The following PSMD14 variants were observed in gnomAD, a reference collection of about 807,000 sequenced individuals.
The protein encoded by PSMD14 is proteasome 26S subunit, non-ATPase 14, also known as ubiquitin C-terminal hydrolase PSMD14.
Under a neutral mutation model 41.2 loss-of-function variants are expected in PSMD14, and 7 were observed. The observed-to-expected ratio is 0.17, with a 90% CI of 0.10 to 0.32. The LOEUF (loss-of-function observed/expected upper bound fraction) is 0.32. Ranked by LOEUF, PSMD14 falls within the 10% of genes least tolerant of loss-of-function variation. PSMD14 has a pLI of 1.00. For missense variants in PSMD14, 139 were observed against 375.6 expected (o/e 0.37, Z 5.21); for synonymous variants, 114 against 122.3 (o/e 0.93, Z 0.45).
At chr2:161,374,775 A>G (rs560718336) in intron 7 of PSMD14, among the ~76,000 whole-genome samples, 1 of 152,146 alleles carries the variant, frequency 6.6e-6, no homozygotes, top group Admixed American at 6.6e-5. Flanking sequence ...TAATGTGACT[A>G]TACTTCTTTC....
intron 1 of PSMD14, among the ~76,000 whole-genome samples, chr2:161,312,315 T>C (rs920210941): frequency 1.3e-5 from 2 of 152,078 alleles, no homozygotes; most frequent in Non-Finnish European, 2.9e-5. Flanking sequence ...AGCTAATTTT[T>C]GTGTTTTCAG....
At chr2:161,322,798 G>A (rs1055011554) in intron 3 of PSMD14, among the ~76,000 whole-genome samples, 5 of 152,178 alleles carry the variant, frequency 3.3e-5, no homozygotes, top group Admixed American at 6.5e-5. Context: ...CTTGGTCTTA[G>A]TTGTTTTATT....
intron 3 of PSMD14, among the ~76,000 whole-genome samples, chr2:161,322,083 C>G (rs909469359): frequency 6.6e-6 from 1 of 152,126 alleles, no homozygotes; most frequent in African/African-American, 2.4e-5. Flanking sequence ...TGCAAGCTAT[C>G]TAGGGGTGTG....
rs1223451259 is a variant in PSMD14, at chr2:161,369,181, A to T, written c.241-926A>T. 8.5e-5 allele frequency among the ~76,000 whole-genome samples: 13 copies of T among 152,140 alleles called. No individual in the cohort carries two copies. In the East Asian group the frequency reaches 2.5e-3, roughly 29 times the overall value. On this transcript the variant is annotated intron_variant, in intron 5 of 11. Transcript: ENST00000409682. ...TTATAATACATTGTTCTTAGGCTTTAATATCATTACTTCCATGTAAATGCT... is the reference window on the plus strand; with the variant it reads ...TTATAATACATTGTTCTTAGGCTTTTATATCATTACTTCCATGTAAATGCT...
chr2:161,318,845 T>C lies in PSMD14; in HGVS notation c.20T>C (p.Leu7Pro). MDRLLRLGGGMPGLGQG... is the reference protein window; with the variant it reads MDRLLRPGGGMPGLGQG... ...AGAAATATGGACAGACTTCTTAGAC[T>C]TGGAGGAGGTATGCCTGGACTGGGC... Residue 7 changes from leucine to proline, a missense_variant, in exon 3 of 12, where the codon CTT becomes CCT. Physicochemically the swap from Leu to Pro is moderately conservative, Grantham distance 98. This residue lies in a region of PSMD14 where 24 missense variants were observed against 55.3 expected (regional missense o/e 0.43). Transcript: ENST00000409682. 1.2e-6 allele frequency: 2 copies of C among 1,613,112 alleles called. No homozygotes were observed. The highest frequency in any genetic ancestry group is 8.5e-7 in the Non-Finnish European group (1 of 1,179,328).
chr2:161,342,513 A>C (rs1198529913), intron 3 of PSMD14, among the ~76,000 whole-genome samples: 1 of 152,006 alleles, frequency 6.6e-6, no homozygotes, highest in Non-Finnish European at 1.5e-5. Flanking sequence ...ATTAGTGCTA[A>C]TGTGGTATAT....
Position 161,411,418 on chromosome 2 carries a change from T to C in PSMD14, c.*18T>C, listed in dbSNP as rs1020254773. 7.2e-6 allele frequency: 11 copies of C among 1,528,054 alleles called. No homozygotes were observed. The highest frequency in any genetic ancestry group is 9.9e-6 in the Non-Finnish European group (11 of 1,108,616). 94.7% of individuals were successfully genotyped at this position (1,528,054 alleles called of 1,614,324 possible). A position where few individuals can be genotyped will look rare whatever the true frequency, so the allele number is the denominator to read the frequency against. On this transcript the variant is annotated 3_prime_UTR_variant, in exon 12 of 12. Transcript: ENST00000409682. Reference sequence around the variant, plus strand: ...TTAAATAAAGCAACGAAAAACGCTATTAATGATGCCTTCAGTGTATATTCC... The same window carrying C: ...TTAAATAAAGCAACGAAAAACGCTACTAATGATGCCTTCAGTGTATATTCC...
intron 10 of PSMD14, among the ~76,000 whole-genome samples, chr2:161,403,509 G>A (rs1007734686): frequency 2.6e-5 from 4 of 152,118 alleles, no homozygotes; most frequent in African/African-American, 9.7e-5. Flanking sequence ...CTTTAAAATG[G>A]TTAATTTTAT....
intron 3 of PSMD14, among the ~76,000 whole-genome samples, chr2:161,328,126 G>C (rs896560766): frequency 6.6e-5 from 10 of 152,106 alleles, no homozygotes; most frequent in Admixed American, 6.6e-4. Flanking sequence ...ATCTAGTAAA[G>C]TTGAAAATGA....
chr2:161,338,927 C>T (rs1472640992), intron 3 of PSMD14, among the ~76,000 whole-genome samples: 1 of 152,114 alleles, frequency 6.6e-6, no homozygotes, highest in African/African-American at 2.4e-5. Context: ...TTTTGTCTAG[C>T]TTTCATTACT....
chr2:161,367,709 G>A, intron 4 of PSMD14, 75 bp from the exon 5 acceptor site: 2 of 1,526,984 alleles, frequency 1.3e-6, no homozygotes, highest in South Asian at 1.3e-5. Context: ...AACAAAATTT[G>A]GTTTTTGTTT....
At chr2:161,367,985 T>C in intron 5 of PSMD14, 82 bp downstream of exon 5, 1 of 1,408,450 alleles carries the variant, frequency 7.1e-7, no homozygotes, top group East Asian at 2.6e-5. Flanking sequence ...ACTCTCATCA[T>C]ATTACATTTT....
chr2:161,331,488 G>C (rs1437881598), intron 3 of PSMD14, among the ~76,000 whole-genome samples: 1 of 152,114 alleles, frequency 6.6e-6, no homozygotes, highest in Non-Finnish European at 1.5e-5. Context: ...TCGAACTCCT[G>C]ACCTGGTGAT....
At chr2:161,326,593 G>GT (rs1402786726) in intron 3 of PSMD14, among the ~76,000 whole-genome samples, 1 of 152,198 alleles carries the variant, frequency 6.6e-6, no homozygotes, top group Non-Finnish European at 1.5e-5. Context: ...TCCAACAGAT[G>GT]TTTGTACACC....
At chr2:161,313,625 C>T (rs1432859280) in intron 1 of PSMD14, among the ~76,000 whole-genome samples, 1 of 152,248 alleles carries the variant, frequency 6.6e-6, no homozygotes, top group African/African-American at 2.4e-5. Context: ...GCTGGGATTA[C>T]AGGCATGAGC....
At chr2:161,406,197 T>C (rs1199382756) in intron 10 of PSMD14, among the ~76,000 whole-genome samples, 1 of 152,150 alleles carries the variant, frequency 6.6e-6, no homozygotes, top group Non-Finnish European at 1.5e-5. Context: ...TAAAAGCCTC[T>C]GTAAGATAGG....
chr2:161,368,774 T>C (rs1574132694), intron 5 of PSMD14, among the ~76,000 whole-genome samples: 1 of 152,058 alleles, frequency 6.6e-6, no homozygotes, highest in East Asian at 1.9e-4. Context: ...TTCGAAGTTC[T>C]GTAAGTTTAC....
At chr2:161,380,010 G>T (rs1341676732) in intron 7 of PSMD14, among the ~76,000 whole-genome samples, 1 of 152,030 alleles carries the variant, frequency 6.6e-6, no homozygotes, top group East Asian at 1.9e-4. Flanking sequence ...AGTCAGTCAT[G>T]CGCTCCACAG....
intron 3 of PSMD14, among the ~76,000 whole-genome samples, chr2:161,329,313 T>C (rs1682752805): frequency 6.6e-6 from 1 of 152,166 alleles, no homozygotes; most frequent in Non-Finnish European, 1.5e-5. Flanking sequence ...TTGTGTACAA[T>C]TAGTCTTTTT....
Sources: allele counts gnomAD v4.1 joint callset (sites outside exome capture counted in the v4.1 genomes callset), GRCh38; gene constraint gnomAD v4.1.1; regional missense constraint gnomAD v4.1.1; transcripts MANE v1.5; gene names NCBI Gene and HGNC (gene_info 2026-07-23, HGNC 2026-07-21).